The following IKZF2 variants were observed in gnomAD, a reference collection of about 807,000 sequenced individuals.
IKZF2 encodes IKAROS family zinc finger 2, also known as zinc finger protein Helios.
A neutral mutation model predicts 49.2 loss-of-function variants in IKZF2; 15 were observed. The ratio of observed to expected loss-of-function variants is 0.30; its 90% confidence interval spans 0.20 to 0.47. IKZF2 has a LOEUF of 0.47. IKZF2 is among the 20% of genes least tolerant of loss of function. The pLI, the probability that IKZF2 is intolerant of heterozygous loss-of-function variation, is 1.00. For synonymous variants in IKZF2, 227 were observed against 221.4 expected (o/e 1.03, Z -0.23); for missense variants, 567 against 664.6 (o/e 0.85, Z 1.61).
chr2:213,087,146 G>T (rs1441474358), intron 4 of IKZF2, among the ~76,000 whole-genome samples: 1 of 152,030 alleles, frequency 6.6e-6, no homozygotes, highest in Admixed American at 6.6e-5. Flanking sequence ...CAAATCAAAG[G>T]TCTTGATATG....
intron 6 of IKZF2, among the ~76,000 whole-genome samples, chr2:213,047,138 C>A (rs1038199225): frequency 1.3e-5 from 2 of 152,160 alleles, no homozygotes; most frequent in South Asian, 2.1e-4. Context: ...TTTTTGCAAG[C>A]TCCCTCAAAT....
intron 4 of IKZF2, chr2:213,147,295 A>C (rs1344951216): frequency 3.0e-6 from 1 of 332,374 alleles, no homozygotes. Context: ...TAACACTGTA[A>C]TTTTATCACT....
At position 213,031,540 on chromosome 2, in the gene IKZF2, T is replaced by A. The variant is rs573789088; in HGVS notation, c.575-9410A>T. ...CAAGAAAATGTCTTATGTAAGATTA[T>A]TTTTATAAGAGTCTAAGTTGTTGGC... On this transcript the variant is annotated intron_variant, in intron 6 of 8. Coordinates refer to ENST00000434687, the MANE Select transcript of IKZF2 (RefSeq NM_001387220.1). Among the ~76,000 whole-genome samples, 3 of 152,358 alleles carry A rather than the reference T, an allele frequency of 2.0e-5. No homozygotes were observed. In the East Asian group the frequency reaches 5.8e-4, roughly 29 times the overall value.
chr2:213,151,803 C>G (rs1408396284), upstream of IKZF2, among the ~76,000 whole-genome samples: 1 of 147,686 alleles, frequency 6.8e-6, no homozygotes, highest in Non-Finnish European at 1.5e-5. Context: ...CGTGCGCGCG[C>G]GTGCGTGTGT....
At chr2:213,114,447 A>G (rs1231833161) in intron 4 of IKZF2, among the ~76,000 whole-genome samples, 1 of 152,190 alleles carries the variant, frequency 6.6e-6, no homozygotes, top group Non-Finnish European at 1.5e-5. Flanking sequence ...TGGAATTAAT[A>G]GTGATTATTT....
At chr2:213,092,586 C>A (rs531584897) in intron 4 of IKZF2, among the ~76,000 whole-genome samples, 2 of 152,212 alleles carry the variant, frequency 1.3e-5, no homozygotes, top group East Asian at 1.9e-4. Context: ...CCTGTTCGAG[C>A]CACAGTGATG....
chr2:213,091,091 C>T (rs1290551416), intron 4 of IKZF2, among the ~76,000 whole-genome samples: 7 of 152,034 alleles, frequency 4.6e-5, no homozygotes, highest in African/African-American at 1.4e-4. Context: ...GGACCAGAGA[C>T]GGGCTAATTT....
Position 213,005,191 on chromosome 2 carries a change from T to TTG in IKZF2, c.*2168_*2169insCA, listed in dbSNP as rs1553539345. 2 of 76,786 alleles carry TTG rather than the reference T, an allele frequency of 2.6e-5. No homozygotes were observed. Among genetic ancestry groups the TTG allele is most frequent in the African/African-American group, 4.1e-5 (1 of 24,312 alleles). The allele number at this position is 76,786 out of a possible 1,614,324, so 4.8% of individuals were successfully genotyped here. Reference sequence around the variant, plus strand: ...CAATTATTATTTGGGAGTGGTTGGGTGGGGGGGGGTGAGCGAGTCTCAAAA... The same window carrying TTG: ...CAATTATTATTTGGGAGTGGTTGGGTTGGGGGGGGGGTGAGCGAGTCTCAAAA... On this transcript the variant is annotated 3_prime_UTR_variant, in exon 9 of 9. Coordinates refer to ENST00000434687, the MANE Select transcript of IKZF2 (RefSeq NM_001387220.1).
At chr2:213,053,996 T>A (rs914556265) in intron 5 of IKZF2, among the ~76,000 whole-genome samples, 1 of 152,150 alleles carries the variant, frequency 6.6e-6, no homozygotes, top group Non-Finnish European at 1.5e-5. Context: ...CTCACGCCTG[T>A]AATCCCAGCA....
At chr2:213,083,532 C>G (rs1050560408) in intron 4 of IKZF2, among the ~76,000 whole-genome samples, 3 of 147,502 alleles carry the variant, frequency 2.0e-5, no homozygotes, top group Non-Finnish European at 4.5e-5. Context: ...TACAGACATG[C>G]GCCACCACAC....
chr2:213,041,282 T>A (rs1353876266), intron 6 of IKZF2, among the ~76,000 whole-genome samples: 1 of 151,890 alleles, frequency 6.6e-6, no homozygotes, highest in Non-Finnish European at 1.5e-5. Flanking sequence ...TGGGACATGT[T>A]TTTAAAAGTG....
At chr2:213,150,455 C>CCCTCCTCCT (rs3217488) in intron 1 of IKZF2, 26,449 of 185,914 alleles carry the variant, frequency 0.14, 2,525 homozygotes, top group Non-Finnish European at 0.22. Context: ...AAGAACACCC[C>CCCTCCTCCT]CCTCCTCCTC....
At chr2:213,024,331 T>C (rs1301497376) in intron 6 of IKZF2, among the ~76,000 whole-genome samples, 1 of 152,170 alleles carries the variant, frequency 6.6e-6, no homozygotes, top group African/African-American at 2.4e-5. Flanking sequence ...TCTCATTCAT[T>C]CAATAACAGA....
chr2:213,070,834 G>C (rs1007604734), intron 4 of IKZF2, among the ~76,000 whole-genome samples: 1 of 152,124 alleles, frequency 6.6e-6, no homozygotes, highest in African/African-American at 2.4e-5. Context: ...GAAAAGAAAG[G>C]TTTAAGGCCC....
intron 4 of IKZF2, among the ~76,000 whole-genome samples, chr2:213,082,598 A>T (rs1704072579): frequency 6.6e-6 from 1 of 152,232 alleles, no homozygotes; most frequent in African/African-American, 2.4e-5. Context: ...ACACATATAT[A>T]GTCAATATCC....
At chr2:213,028,389 C>G (rs770763402) in intron 6 of IKZF2, among the ~76,000 whole-genome samples, 19 of 152,112 alleles carry the variant, frequency 1.2e-4, no homozygotes, top group Non-Finnish European at 2.4e-4. Context: ...ATCAGTTTGC[C>G]AATTTCTGTT....
rs200234392 is a variant in IKZF2, at chr2:213,021,958, G to C, written c.712+35C>G. The C allele has an allele frequency of 2.2e-5, 35 of 1,583,830 alleles. 1 individual carries two copies. ...CATGTTGAACTACAAAAGCAGTAGGGGGAAATAAAAATGATGAATCCAGTT... is the reference window on the plus strand; with the variant it reads ...CATGTTGAACTACAAAAGCAGTAGGCGGAAATAAAAATGATGAATCCAGTT... On this transcript the variant is annotated intron_variant, in intron 7 of 8. Transcript: ENST00000434687.
chr2:213,112,873 T>A (rs540184916), intron 4 of IKZF2, among the ~76,000 whole-genome samples: 1 of 152,262 alleles, frequency 6.6e-6, no homozygotes. Context: ...AGCATCTACC[T>A]CATAGGGTTT....
At chr2:213,124,252 GCACACA>G (rs66958263) in intron 4 of IKZF2, among the ~76,000 whole-genome samples, 4,603 of 136,094 alleles carry the variant, frequency 0.034, 147 homozygotes, top group African/African-American at 0.06. Flanking sequence ...GCGCGCGCGC[GCACACA>G]CACACACACA....
Sources: allele counts gnomAD v4.1 joint callset (sites outside exome capture counted in the v4.1 genomes callset), GRCh38; gene constraint gnomAD v4.1.1; transcripts MANE v1.5; gene names NCBI Gene and HGNC (gene_info 2026-07-23, HGNC 2026-07-21).